Variants in CTSS observed in about 807,000 individuals in gnomAD.
The protein encoded by CTSS is cathepsin S.
CTSS carries 15 observed loss-of-function variants against 39.9 expected under a neutral mutation model. That is an observed-to-expected ratio of 0.38 (90% CI 0.25 to 0.58). The LOEUF (loss-of-function observed/expected upper bound fraction) is 0.58, where lower values mean the gene tolerates loss of function less well. Ranked by LOEUF, CTSS falls within the 20% of genes least tolerant of loss-of-function variation. The pLI is 0.70. For missense variants in CTSS, 250 were observed against 398.2 expected (o/e 0.63, Z 3.17); for synonymous variants, 126 against 138.2 (o/e 0.91, Z 0.62).
chr1:150,745,044 T>C (rs1400017241), intron 7 of CTSS, among the ~76,000 whole-genome samples: 1 of 152,116 alleles, frequency 6.6e-6, no homozygotes, highest in Non-Finnish European at 1.5e-5. Context: ...GTGCTGTGAA[T>C]AGGTTATCAG....
intron 7 of CTSS, among the ~76,000 whole-genome samples, chr1:150,742,748 G>C (rs1013437097): frequency 2.6e-5 from 4 of 152,080 alleles, no homozygotes; most frequent in African/African-American, 9.7e-5. Flanking sequence ...GTGGGTTGAG[G>C]GGGGAAAAGG....
At position 150,748,082 on chromosome 1, in the gene CTSS, G is replaced by A. The variant is rs912234517; in HGVS notation, c.794-203C>T. ...CAAGGCGGGCGGGTCACAAGGTCAAGAGATCGAGACCATCCTGGCCAACAT... is the reference window on the plus strand; with the variant it reads ...CAAGGCGGGCGGGTCACAAGGTCAAAAGATCGAGACCATCCTGGCCAACAT... On this transcript the variant is annotated intron_variant, in intron 6 of 7. Coordinates refer to ENST00000368985, the MANE Select transcript of CTSS (RefSeq NM_004079.5). The A allele has an allele frequency of 2.7e-5, 12 of 452,000 alleles. No homozygotes were observed. In the East Asian group the frequency reaches 2.9e-4, roughly 11 times the overall value. 28.0% of individuals were successfully genotyped at this position (452,000 alleles called of 1,614,324 possible).
chr1:150,734,320 C>T (rs2101907984), intron 7 of CTSS, among the ~76,000 whole-genome samples: 1 of 152,066 alleles, frequency 6.6e-6, no homozygotes, highest in East Asian at 2.0e-4. Flanking sequence ...AGCCACCACG[C>T]CCGGCTGTAT....
rs113350565 is a variant in CTSS at position 150,763,029 on chromosome 1, G to C, written c.126+1609C>G. 6.6e-3 allele frequency among the ~76,000 whole-genome samples: 1,007 copies of C among 151,626 alleles called. 8 individuals carry two copies. The highest frequency in any genetic ancestry group is 8.8e-3 in the Admixed American group (133 of 15,200). On this transcript the variant is annotated intron_variant, in intron 2 of 7. Transcript: ENST00000368985. ...AGATACGGAATCAACCTTATAAAGT[G>C]TCCATTAAAAGACGAATGGATAAAA...
intron 2 of CTSS, among the ~76,000 whole-genome samples, chr1:150,758,859 T>C (rs1653191406): frequency 6.6e-6 from 1 of 151,202 alleles, no homozygotes; most frequent in Non-Finnish European, 1.5e-5. Flanking sequence ...ATTTTTTTTT[T>C]TTTTTTTTAG....
At chr1:150,751,662 G>A in intron 5 of CTSS, 119 bp downstream of exon 5, 1 of 791,980 alleles carries the variant, frequency 1.3e-6, no homozygotes, top group Non-Finnish European at 2.1e-6. Flanking sequence ...CCTCTTCAGG[G>A]TTCTCTCTCA....
chr1:150,744,490 ATG>A (rs1652844870), intron 7 of CTSS, among the ~76,000 whole-genome samples: 2 of 64,158 alleles, frequency 3.1e-5, no homozygotes, highest in African/African-American at 1.1e-4. Flanking sequence ...TATGTATATT[ATG>A]TATACATAAT....
chr1:150,754,189 C>T (rs1244632352), intron 4 of CTSS, among the ~76,000 whole-genome samples: 1 of 148,524 alleles, frequency 6.7e-6, no homozygotes, highest in African/African-American at 2.5e-5. Flanking sequence ...TCTCAGCTCA[C>T]TGCAACCTCT....
intron 2 of CTSS, among the ~76,000 whole-genome samples, chr1:150,758,925 T>A (rs1010335025): frequency 6.6e-5 from 10 of 151,050 alleles, no homozygotes; most frequent in Admixed American, 6.6e-5. Flanking sequence ...CATAGCTCAC[T>A]ACAGCCTCAA....
chr1:150,742,136 A>T (rs1010706323), intron 7 of CTSS, among the ~76,000 whole-genome samples: 3 of 152,002 alleles, frequency 2.0e-5, no homozygotes, highest in Non-Finnish European at 4.4e-5. Context: ...ACATGCCTGT[A>T]GTCCCATCTA....
At chr1:150,758,392 C>T (rs1232762890) in intron 2 of CTSS, among the ~76,000 whole-genome samples, 1 of 151,836 alleles carries the variant, frequency 6.6e-6, no homozygotes, top group African/African-American at 2.4e-5. Context: ...GTGGATCTGC[C>T]CGAGAGCATG....
chr1:150,738,663 A>T (rs991972436), intron 7 of CTSS, among the ~76,000 whole-genome samples: 1 of 151,758 alleles, frequency 6.6e-6, no homozygotes, highest in Non-Finnish European at 1.5e-5. Context: ...AAAAAAAAAA[A>T]CTATCTGTAG....
intron 3 of CTSS, among the ~76,000 whole-genome samples, chr1:150,755,612 T>C (rs1292700257): frequency 6.6e-6 from 1 of 151,972 alleles, no homozygotes; most frequent in African/African-American, 2.4e-5. Flanking sequence ...TGGTGGTGCA[T>C]GCCTGTAATC....
chr1:150,748,505 A>G (rs1234557808), intron 6 of CTSS, among the ~76,000 whole-genome samples: 3 of 149,788 alleles, frequency 2.0e-5, no homozygotes, highest in Admixed American at 6.6e-5. Context: ...GCATACAATC[A>G]GTTATTTTAA....
chr1:150,752,014 A>T lies in CTSS; in HGVS notation c.400-6T>A. 1 of 1,613,598 alleles carries T rather than the reference A, an allele frequency of 6.2e-7. No homozygotes were observed. On this transcript the variant is annotated splice_region_variant and splice_polypyrimidine_tract_variant and intron_variant, in intron 4 of 7. Coordinates refer to ENST00000368985, the MANE Select transcript of CTSS (RefSeq NM_004079.5). ...CAGCAAGCACCACAAGAACCCTAAA[A>T]CAGATACAAGGTCACAAACGCAAAT...
At chr1:150,760,594 A>G (rs762672227) in intron 2 of CTSS, among the ~76,000 whole-genome samples, 18 of 152,220 alleles carry the variant, frequency 1.2e-4, no homozygotes, top group Non-Finnish European at 2.6e-4. Context: ...ACATGATCAT[A>G]TAGAAAGTCT....
intron 1 of CTSS, among the ~76,000 whole-genome samples, chr1:150,765,473 G>A (rs1469853506): frequency 6.6e-6 from 1 of 152,006 alleles, no homozygotes; most frequent in East Asian, 1.9e-4. Flanking sequence ...AAACATGTAA[G>A]CCTTTAAATT....
At position 150,731,165 on chromosome 1, in the gene CTSS, A is replaced by T. The variant is rs1312409919; in HGVS notation, c.*1881T>A. ...CACTTTGGGAGGCTGGGGTGGGTGGATCACCTGAGGTCAGGAGTTTGAGAC... is the reference window on the plus strand; with the variant it reads ...CACTTTGGGAGGCTGGGGTGGGTGGTTCACCTGAGGTCAGGAGTTTGAGAC... On this transcript the variant is annotated 3_prime_UTR_variant, in exon 8 of 8. Transcript: ENST00000368985. The T allele has an allele frequency of 6.6e-6, 1 of 152,248 alleles. No individual in the cohort carries two copies. Among genetic ancestry groups the T allele is most frequent in the Non-Finnish European group, 1.5e-5 (1 of 68,046 alleles). 9.4% of individuals were successfully genotyped at this position (152,248 alleles called of 1,614,324 possible).
At chr1:150,741,163 A>C (rs1466569377) in intron 7 of CTSS, among the ~76,000 whole-genome samples, 1 of 152,040 alleles carries the variant, frequency 6.6e-6, no homozygotes, top group Non-Finnish European at 1.5e-5. Flanking sequence ...CACCATGCCC[A>C]GCTAATTTTT....
Sources: allele counts gnomAD v4.1 joint callset (sites outside exome capture counted in the v4.1 genomes callset), GRCh38; gene constraint gnomAD v4.1.1; transcripts MANE v1.5; gene names NCBI Gene and HGNC (gene_info 2026-07-23, HGNC 2026-07-21).